XPO7: variants seen among roughly 807,000 people sequenced by gnomAD.
XPO7 encodes exportin 7.
In XPO7, 21 loss-of-function variants were observed where a neutral mutation model predicts 144.3. The ratio of observed to expected loss-of-function variants is 0.15; its 90% CI spans 0.10 to 0.21. XPO7 has a LOEUF of 0.21. Ranked by LOEUF, XPO7 falls within the 10% of genes least tolerant of loss-of-function variation. XPO7 has a pLI of 1.00. For synonymous variants in XPO7, 580 were observed against 499.6 expected (o/e 1.16, Z -2.15); for missense variants, 808 against 1,325.8 (o/e 0.61, Z 6.06).
intron 1 of XPO7, among the ~76,000 whole-genome samples, chr8:21,947,903 A>G (rs933878753): frequency 3.9e-5 from 6 of 152,240 alleles, no homozygotes; most frequent in Non-Finnish European, 8.8e-5. Context: ...TTCAGAATAT[A>G]TACGGTAAAA....
At position 22,004,856 on chromosome 8, in the gene XPO7, G is replaced by A. The variant is rs543631940; in HGVS notation, c.3171-139G>A. The A allele has an allele frequency of 9.2e-6, 5 of 544,144 alleles. No individual in the cohort carries two copies. In the East Asian group the frequency reaches 1.6e-4, roughly 17 times the overall value. The allele number at this position is 544,144 out of a possible 1,614,324, so 33.7% of individuals were successfully genotyped here. A position where few individuals can be genotyped will look rare whatever the true frequency, so the allele number is the denominator to read the frequency against. On this transcript the variant is annotated intron_variant, in intron 27 of 27. Transcript: ENST00000252512. ...GCCAACTTTTCTCTTAGAGTCTTAA[G>A]ACTGAAATTAACTGATCTTTGAAAC...
chr8:21,972,535 C>A (rs1167713993), intron 5 of XPO7, among the ~76,000 whole-genome samples: 1 of 152,142 alleles, frequency 6.6e-6, no homozygotes, highest in Non-Finnish European at 1.5e-5. Flanking sequence ...AAAAAAGAGA[C>A]CATAAAGGTC....
At chr8:21,992,506 A>G (rs1812804474) in intron 19 of XPO7, among the ~76,000 whole-genome samples, 1 of 152,098 alleles carries the variant, frequency 6.6e-6, no homozygotes, top group African/African-American at 2.4e-5. Flanking sequence ...TTGACACTTG[A>G]GTCACTTAGA....
intron 9 of XPO7, among the ~76,000 whole-genome samples, chr8:21,981,361 T>A (rs1244562141): frequency 6.6e-6 from 1 of 152,124 alleles, no homozygotes; most frequent in South Asian, 2.1e-4. Context: ...TTTCCTTTGA[T>A]TGGTAACAAT....
At chr8:21,919,908 T>C in intron 1 of XPO7, 120 bp downstream of exon 1, 1 of 231,816 alleles carries the variant, frequency 4.3e-6, no homozygotes, top group Non-Finnish European at 8.7e-6. Context: ...CCGCCGCCAC[T>C]CGGGGCTCTG....
intron 4 of XPO7, among the ~76,000 whole-genome samples, chr8:21,971,151 C>T (rs537960113): frequency 1.3e-5 from 2 of 152,162 alleles, no homozygotes; most frequent in African/African-American, 4.8e-5. Context: ...CAAGTTTGTG[C>T]CTAGGAACAA....
intron 1 of XPO7, among the ~76,000 whole-genome samples, chr8:21,934,232 T>C (rs764650411): frequency 6.6e-6 from 1 of 152,026 alleles, no homozygotes; most frequent in Non-Finnish European, 1.5e-5. Flanking sequence ...GTGCGGTGGC[T>C]CATGCCTGTA....
intron 1 of XPO7, among the ~76,000 whole-genome samples, chr8:21,952,596 A>T: frequency 6.6e-6 from 1 of 152,222 alleles, no homozygotes; most frequent in East Asian, 1.9e-4. Flanking sequence ...AATTTAACTA[A>T]TCGAAGGACT....
chr8:21,972,011 G>A (rs1812078500), intron 5 of XPO7, 70 bp downstream of exon 5: 3 of 1,459,030 alleles, frequency 2.1e-6, no homozygotes, highest in East Asian at 2.3e-5. Flanking sequence ...TTTCTGCTGT[G>A]TGTGGGATGA....
chr8:21,954,653 T>C (rs1202530143), intron 1 of XPO7, among the ~76,000 whole-genome samples: 1 of 151,850 alleles, frequency 6.6e-6, no homozygotes, highest in Non-Finnish European at 1.5e-5. Flanking sequence ...AATAAATAAA[T>C]GAAATAAATA....
chr8:21,931,552 C>G (rs1810651108), intron 1 of XPO7, among the ~76,000 whole-genome samples: 1 of 152,230 alleles, frequency 6.6e-6, no homozygotes, highest in Admixed American at 6.5e-5. Flanking sequence ...TCTGTTACCA[C>G]TGACAAGAGT....
chr8:21,980,636 A>G (rs1003333390), intron 9 of XPO7, among the ~76,000 whole-genome samples: 1 of 152,012 alleles, frequency 6.6e-6, no homozygotes, highest in African/African-American at 2.4e-5. Flanking sequence ...TTAGCCGGCC[A>G]TGGTGGCACG....
At chr8:21,921,331 G>A (rs1021293592) in intron 1 of XPO7, 2 of 152,198 alleles carry the variant, frequency 1.3e-5, no homozygotes, top group Non-Finnish European at 2.9e-5. Flanking sequence ...GTTAAGGTAA[G>A]TCTAAGTGTC....
Position 22,005,130 on chromosome 8 carries a change from G to C in XPO7, c.*42G>C, listed in dbSNP as rs576667741. On this transcript the variant is annotated 3_prime_UTR_variant, in exon 28 of 28. Coordinates refer to ENST00000252512, the MANE Select transcript of XPO7 (RefSeq NM_015024.5). ...ACCTGTACAGAGCAGCGTCCCTTTG[G>C]TTTGGCCCAGAGGGGCGAACAATTG... 6.5e-7 allele frequency: 1 copy of C among 1,539,382 alleles called. No individual in the cohort carries two copies. Among genetic ancestry groups the C allele is most frequent in the Admixed American group, 1.8e-5 (1 of 56,230 alleles).
At chr8:21,961,931 G>A (rs957477138) in intron 1 of XPO7, among the ~76,000 whole-genome samples, 6 of 152,230 alleles carry the variant, frequency 3.9e-5, no homozygotes, top group Admixed American at 2.0e-4. Context: ...CCAAAGTGCT[G>A]GGATTACAGG....
At chr8:21,992,039 C>G in intron 19 of XPO7, 65 bp downstream of exon 19, 3 of 1,334,292 alleles carry the variant, frequency 2.2e-6, no homozygotes, top group Non-Finnish European at 3.1e-6. Context: ...GATTGAAAAT[C>G]GTGCTTGACT....
intron 1 of XPO7, among the ~76,000 whole-genome samples, chr8:21,943,955 G>A (rs918585255): frequency 6.6e-6 from 1 of 152,178 alleles, no homozygotes; most frequent in Non-Finnish European, 1.5e-5. Context: ...TTGGAGAAAA[G>A]GGAAATGTTA....
At chr8:21,991,345 G>A (rs905507055) in intron 18 of XPO7, among the ~76,000 whole-genome samples, 3 of 152,182 alleles carry the variant, frequency 2.0e-5, no homozygotes, top group African/African-American at 7.2e-5. Flanking sequence ...CAGTAGTGGT[G>A]ATATTAGCAG....
chr8:21,989,940 C>T (rs1434157261), intron 16 of XPO7, among the ~76,000 whole-genome samples: 2 of 143,792 alleles, frequency 1.4e-5, no homozygotes, highest in Non-Finnish European at 3.0e-5. Flanking sequence ...AGCTCCGCCT[C>T]CCAGGTTCAT....
Sources: gnomAD v4.1 joint callset for allele counts (sites outside exome capture counted in the v4.1 genomes callset) on GRCh38, gnomAD v4.1.1 for gene constraint, MANE v1.5 for transcripts, NCBI Gene and HGNC (gene_info 2026-07-23, HGNC 2026-07-21) for gene names.